The following DENND2A variants were observed in gnomAD, a reference collection of about 807,000 sequenced individuals.
The protein encoded by DENND2A is DENN domain-containing protein 2A.
In DENND2A, 53 loss-of-function variants were observed where a neutral mutation model predicts 105.3. The ratio of observed to expected loss-of-function variants is 0.50; its 90% CI spans 0.40 to 0.63. The LOEUF (loss-of-function observed/expected upper bound fraction) is 0.63, where lower values mean the gene tolerates loss of function less well. Ranked by LOEUF, DENND2A falls within the 30% of genes least tolerant of loss-of-function variation. The pLI is 0.00. For missense variants in DENND2A, 1,138 were observed against 1,279.6 expected (o/e 0.89, Z 1.69); for synonymous variants, 522 against 508.4 (o/e 1.03, Z -0.36).
At chr7:140,585,066 C>T (rs1161028040) in intron 5 of DENND2A, among the ~76,000 whole-genome samples, 1 of 152,038 alleles carries the variant, frequency 6.6e-6, no homozygotes, top group Admixed American at 6.6e-5. Flanking sequence ...GGGCTGGTGG[C>T]GTGTGCCTGT....
chr7:140,628,856 G>A lies in DENND2A; in HGVS notation c.-248+11648C>T, dbSNP rs1346362203. On this transcript the variant is annotated intron_variant, in intron 1 of 19. Coordinates refer to ENST00000496613, the MANE Select transcript of DENND2A (RefSeq NM_015689.5). ...TGCACCTGGCCTATAATTTCATTTAGTTAATCTGAGCCAGCATTGATCAGT... is the reference window on the plus strand; with the variant it reads ...TGCACCTGGCCTATAATTTCATTTAATTAATCTGAGCCAGCATTGATCAGT... Among the ~76,000 whole-genome samples, 4 of 152,036 alleles carry A rather than the reference G, an allele frequency of 2.6e-5. No homozygotes were observed. In the East Asian group the frequency reaches 7.7e-4, roughly 29 times the overall value.
chr7:140,613,400 C>A (rs1222542059), intron 1 of DENND2A, among the ~76,000 whole-genome samples: 1 of 151,476 alleles, frequency 6.6e-6, no homozygotes, highest in Admixed American at 6.6e-5. Flanking sequence ...ATTAGCCGAG[C>A]GTGGTGGTGT....
rs573960665 is a variant in DENND2A, at chr7:140,518,882, A to G, written c.2999-144T>C. 13 of 686,154 alleles carry G rather than the reference A, an allele frequency of 1.9e-5. No homozygotes were observed. The African/African-American group carries it at 2.2e-4, about 11-fold the overall frequency. 42.5% of individuals were successfully genotyped at this position (686,154 alleles called of 1,614,324 possible). A position where few individuals can be genotyped will look rare whatever the true frequency, so the allele number is the denominator to read the frequency against. ...CTCATCCCTTGCTCTGGAGAAGCCA[A>G]AGGGGCTTTGTTCTTTCCAGAGATC... On this transcript the variant is annotated intron_variant, in intron 19 of 19. Transcript: ENST00000496613.
intron 2 of DENND2A, among the ~76,000 whole-genome samples, chr7:140,603,337 C>G (rs80131743): frequency 0.033 from 5,082 of 152,270 alleles, 149 homozygotes; most frequent in African/African-American, 0.083. Flanking sequence ...TAAAAGATTA[C>G]ATAGGCTGCT....
intron 1 of DENND2A, among the ~76,000 whole-genome samples, chr7:140,628,357 G>A (rs1248830879): frequency 6.6e-6 from 1 of 152,098 alleles, no homozygotes; most frequent in African/African-American, 2.4e-5. Context: ...AAAGTAAGGC[G>A]GAGGTCGCCC....
chr7:140,538,667 C>T (rs1022748608), intron 14 of DENND2A, among the ~76,000 whole-genome samples: 7 of 150,768 alleles, frequency 4.6e-5, no homozygotes, highest in South Asian at 4.2e-4. Flanking sequence ...CCACCATGCC[C>T]GCTAATTTTT....
intron 7 of DENND2A, 50 bp from the exon 8 acceptor site, chr7:140,568,863 G>A: frequency 2.6e-6 from 4 of 1,567,184 alleles, no homozygotes; most frequent in Non-Finnish European, 3.5e-6. Flanking sequence ...TTCTTCTCAT[G>A]TAGGAAACTC....
chr7:140,621,981 T>C (rs879595297), intron 1 of DENND2A, among the ~76,000 whole-genome samples: 2 of 152,144 alleles, frequency 1.3e-5, no homozygotes, highest in Non-Finnish European at 2.9e-5. Flanking sequence ...CCAAATGATT[T>C]TTAGGATTTC....
chr7:140,531,307 A>C (rs1796256054), intron 14 of DENND2A, among the ~76,000 whole-genome samples: 1 of 152,214 alleles, frequency 6.6e-6, no homozygotes, highest in Non-Finnish European at 1.5e-5. Context: ...TTGTAAAGTC[A>C]GGACTTAGAA....
Position 140,558,154 on chromosome 7 carries a change from G to C in DENND2A, c.1948C>G (p.Arg650Gly). 6.2e-7 allele frequency: 1 copy of C among 1,613,432 alleles called. No homozygotes were observed. The highest frequency in any genetic ancestry group is 1.1e-5 in the South Asian group (1 of 91,050). The change falls in exon 11 of 20, where the codon CGA (arginine) becomes GGA (glycine). Residue 650 changes from arginine (R) to glycine (G), a missense_variant. Physicochemically the swap from Arg to Gly is moderately radical, Grantham distance 125. This residue lies in a region of DENND2A where 627 missense variants were observed against 779.8 expected (regional missense o/e 0.80). Coordinates refer to ENST00000496613, the MANE Select transcript of DENND2A (RefSeq NM_015689.5). Reference protein sequence around the residue: ...EDGSRRFGYCRRLLPGGKGKR... With the variant: ...EDGSRRFGYCGRLLPGGKGKR... ...CAGAATGTACTCACCAGCAGTCTTC[G>C]GCAGTAACCGAACCTTCTGCTCCCA...
chr7:140,554,859 T>C (rs1229998767), intron 12 of DENND2A, among the ~76,000 whole-genome samples: 4 of 152,198 alleles, frequency 2.6e-5, no homozygotes, highest in Non-Finnish European at 4.4e-5. Context: ...ATATGAATAT[T>C]TTGATAAACT....
At chr7:140,606,269 G>T (rs960833052) in intron 1 of DENND2A, among the ~76,000 whole-genome samples, 1 of 152,022 alleles carries the variant, frequency 6.6e-6, no homozygotes, top group Non-Finnish European at 1.5e-5. Flanking sequence ...TGAACTCCTG[G>T]CCTCAAGTGA....
intron 1 of DENND2A, among the ~76,000 whole-genome samples, chr7:140,614,094 CTTTTTTATTTTTTTA>C (rs980616161): frequency 4.6e-5 from 7 of 151,990 alleles, no homozygotes; most frequent in Non-Finnish European, 1.0e-4. Context: ...AGACACAGAT[CTTTTTTATTTTTTTA>C]TTTTTTATTT....
intron 4 of DENND2A, 121 bp downstream of exon 4, chr7:140,587,532 G>T: frequency 2.2e-6 from 3 of 1,358,994 alleles, no homozygotes; most frequent in Non-Finnish European, 3.0e-6. Flanking sequence ...GTGCACAGGT[G>T]TCTTCAAGTG....
rs1228294239 is a variant in DENND2A at position 140,521,911 on chromosome 7, G to A, written c.2855C>T (p.Thr952Ile). 6.2e-7 allele frequency: 1 copy of A among 1,614,058 alleles called. No individual in the cohort carries two copies. The highest frequency in any genetic ancestry group is 8.5e-7 in the Non-Finnish European group (1 of 1,180,054). ...CTGGATGAAGCCCCGAAACATCTGA[G>A]TCTCCATGAAGACCTCCAGGAAGTG... ...LRHFLEVFME[T>I]QMFRGFIQER... Residue 952 changes from threonine to isoleucine, a missense_variant, in exon 18 of 20, where the codon ACT (threonine) becomes ATT (isoleucine). Transcript: ENST00000496613.
In DENND2A at chr7:140,547,428, T is replaced by C. The variant is rs1215503726; in HGVS notation, c.2038-489A>G. ...ATGAAAATACAAATCAAAAGCACCA[T>C]GAGATACCACTTCACACCCGTTAGG... is the stretch of plus-strand genomic sequence containing the variant. On this transcript the variant is annotated intron_variant, in intron 12 of 19. Coordinates refer to ENST00000496613, the MANE Select transcript of DENND2A (RefSeq NM_015689.5). Among the ~76,000 whole-genome samples the C allele has an allele frequency of 2.6e-5, 4 of 152,130 alleles. No homozygotes were observed. The East Asian group carries it at 7.7e-4, about 29-fold the overall frequency.
intron 1 of DENND2A, among the ~76,000 whole-genome samples, chr7:140,635,015 C>G (rs1237388445): frequency 1.3e-5 from 2 of 151,948 alleles, no homozygotes; most frequent in Non-Finnish European, 2.9e-5. Context: ...GTAGTCCCAG[C>G]ACTTTGCAAG....
At chr7:140,544,394 C>T in intron 14 of DENND2A, 1 of 607,346 alleles carries the variant, frequency 1.6e-6, no homozygotes, top group East Asian at 2.8e-5. Flanking sequence ...GGAGTTTCAC[C>T]ATGTTGCACA....
intron 11 of DENND2A, among the ~76,000 whole-genome samples, chr7:140,556,243 C>G (rs1201013213): frequency 6.6e-6 from 1 of 152,016 alleles, no homozygotes; most frequent in Non-Finnish European, 1.5e-5. Context: ...GTCTCGAACT[C>G]CTGACCTCAT....
Sources: gnomAD v4.1 joint callset for allele counts (sites outside exome capture counted in the v4.1 genomes callset) on GRCh38, gnomAD v4.1.1 for gene constraint, gnomAD v4.1.1 regional missense constraint, MANE v1.5 for transcripts, NCBI Gene and HGNC (gene_info 2026-07-23, HGNC 2026-07-21) for gene names.